The following TRAT1 variants were observed in gnomAD, a reference collection of about 807,000 sequenced individuals.
TRAT1 encodes the protein T-cell receptor-associated transmembrane adapter 1.
In TRAT1, 20 loss-of-function variants were observed where a neutral mutation model predicts 20.0. That is an observed-to-expected ratio of 1.00 (90% CI 0.70 to 1.45). The LOEUF (loss-of-function observed/expected upper bound fraction) is 1.45, where lower values mean the gene tolerates loss of function less well. TRAT1 is among the 40% of genes most tolerant of loss of function. The probability of loss-of-function intolerance (pLI) is 0.00; values close to 1 mark genes in which losing one functional copy is unlikely to be tolerated. For synonymous variants in TRAT1, 77 were observed against 74.2 expected (o/e 1.04, Z -0.20); for missense variants, 237 against 224.1 (o/e 1.06, Z -0.37).
intron 3 of TRAT1, among the ~76,000 whole-genome samples, chr3:108,845,627 C>T (rs375534671): frequency 3.3e-5 from 5 of 152,048 alleles, no homozygotes; most frequent in South Asian, 4.1e-4. Flanking sequence ...TTAATACCTA[C>T]GTACTATTTA....
chr3:108,828,657 A>G (rs2107506468), intron 1 of TRAT1, among the ~76,000 whole-genome samples: 1 of 152,338 alleles, frequency 6.6e-6, no homozygotes, highest in Admixed American at 6.5e-5. Flanking sequence ...AGAGTTTCAT[A>G]TGGCTTCTTT....
intron 1 of TRAT1, among the ~76,000 whole-genome samples, chr3:108,826,948 T>TG (rs1945745166): frequency 6.6e-6 from 1 of 152,208 alleles, no homozygotes; most frequent in Non-Finnish European, 1.5e-5. Flanking sequence ...CCAGAGCACA[T>TG]GCAATTGTGA....
chr3:108,823,025 A>G (rs1162170624), intron 1 of TRAT1, 91 bp downstream of exon 1: 7 of 1,111,802 alleles, frequency 6.3e-6, no homozygotes, highest in Non-Finnish European at 9.3e-6. Context: ...TAGTATTTAG[A>G]AAGTAGTTAT....
chr3:108,853,539 G>A (rs926281011), intron 5 of TRAT1, 81 bp from the exon 6 acceptor site: 45 of 1,509,408 alleles, frequency 3.0e-5, no homozygotes, highest in African/African-American at 8.4e-5. Context: ...AAGTTACTTG[G>A]TTTTCATACG....
At chr3:108,826,118 A>G (rs1351495662) in intron 1 of TRAT1, among the ~76,000 whole-genome samples, 1 of 152,170 alleles carries the variant, frequency 6.6e-6, no homozygotes, top group Non-Finnish European at 1.5e-5. Flanking sequence ...CTTCAATTAA[A>G]TTAAGTAAAG....
rs1946030463 is a variant in TRAT1, at chr3:108,854,863, T to C, written c.*986T>C. The C allele has an allele frequency of 6.6e-6, 1 of 152,130 alleles. No homozygotes were observed. Among genetic ancestry groups the C allele is most frequent in the Admixed American group, 6.5e-5 (1 of 15,274 alleles). The allele number at this position is 152,130 out of a possible 1,614,324, so 9.4% of individuals were successfully genotyped here. ...TCTTTCAATAATTAAAAAATACTGC[T>C]TCACTGTCTTCTCTCTGTTTCATCA... is the stretch of plus-strand genomic sequence containing the variant. On this transcript the variant is annotated 3_prime_UTR_variant, in exon 6 of 6. Transcript: ENST00000295756.
At chr3:108,830,561 G>A in intron 1 of TRAT1, 109 bp from the exon 2 acceptor site, 1 of 743,314 alleles carries the variant, frequency 1.3e-6, no homozygotes, top group East Asian at 2.5e-5. Flanking sequence ...GGTAGAGACT[G>A]TGTACTTCAT....
chr3:108,839,755 T>C (rs1945876266), intron 3 of TRAT1, among the ~76,000 whole-genome samples: 1 of 152,190 alleles, frequency 6.6e-6, no homozygotes, highest in Non-Finnish European at 1.5e-5. Context: ...GATGAACAGA[T>C]ACTCTGAAAG....
At chr3:108,847,688 C>T (rs929186635) in intron 4 of TRAT1, among the ~76,000 whole-genome samples, 2 of 152,160 alleles carry the variant, frequency 1.3e-5, no homozygotes, top group African/African-American at 4.8e-5. Flanking sequence ...TCACTTGTGT[C>T]ATCCCAGACA....
Position 108,853,863 on chromosome 3 carries a change from G to A in TRAT1, c.547G>A (p.Glu183Lys). 1 of 1,613,700 alleles carries A rather than the reference G, an allele frequency of 6.2e-7. No individual in the cohort carries two copies. Among genetic ancestry groups the A allele is most frequent in the South Asian group, 1.1e-5 (1 of 90,998 alleles). ...GTTTGGATTGATCCGTGCTAAGAGA[G>A]AACCTATAAACTAGCTGGACCATGA... ...RLFGLIRAKR[E>K]PIN The change falls in exon 6 of 6, where the codon GAA becomes AAA. Residue 183 changes from glutamate (E) to lysine (K), a missense_variant. By Grantham distance (56) the Glu-to-Lys change is moderately conservative. Coordinates refer to ENST00000295756, the MANE Select transcript of TRAT1 (RefSeq NM_016388.4).
chr3:108,854,496 G>T lies in TRAT1; in HGVS notation c.*619G>T, dbSNP rs879291477. 1.3e-5 allele frequency: 2 copies of T among 151,942 alleles called. No homozygotes were observed. Among genetic ancestry groups the T allele is most frequent in the Non-Finnish European group, 2.9e-5 (2 of 68,002 alleles). The allele number at this position is 151,942 out of a possible 1,614,324, so 9.4% of individuals were successfully genotyped here. A position where few individuals can be genotyped will look rare whatever the true frequency, so the allele number is the denominator to read the frequency against. On this transcript the variant is annotated 3_prime_UTR_variant, in exon 6 of 6. Coordinates refer to ENST00000295756, the MANE Select transcript of TRAT1 (RefSeq NM_016388.4). Reference sequence around the variant, plus strand: ...CAAACAAATATCAAAAAGAGTTTAGGAATTCTACTAGCCAGAGATAGTCAC... The same window carrying T: ...CAAACAAATATCAAAAAGAGTTTAGTAATTCTACTAGCCAGAGATAGTCAC...
At chr3:108,844,240 A>G (rs1945919791) in intron 3 of TRAT1, among the ~76,000 whole-genome samples, 1 of 152,144 alleles carries the variant, frequency 6.6e-6, no homozygotes, top group African/African-American at 2.4e-5. Flanking sequence ...ATAGAAATCA[A>G]CTAGTTTAAT....
Position 108,847,140 on chromosome 3 carries a change from C to G in TRAT1, c.214+11C>G, listed in dbSNP as rs1285932597. The G allele has an allele frequency of 6.8e-7, 1 of 1,479,934 alleles. No homozygotes were observed. Among genetic ancestry groups the G allele is most frequent in the Non-Finnish European group, 9.3e-7 (1 of 1,075,930 alleles). The allele number at this position is 1,479,934 out of a possible 1,614,324, so 91.7% of individuals were successfully genotyped here. On this transcript the variant is annotated intron_variant, in intron 4 of 5. Transcript: ENST00000295756. ...ATGATATGATTTCAGGTAAGTTTTCCATAAGTTAAATTTATAAATAAGTAA... is the reference window on the plus strand; with the variant it reads ...ATGATATGATTTCAGGTAAGTTTTCGATAAGTTAAATTTATAAATAAGTAA...
chr3:108,827,384 A>AG (rs1945750915), intron 1 of TRAT1, among the ~76,000 whole-genome samples: 5 of 145,112 alleles, frequency 3.4e-5, no homozygotes, highest in African/African-American at 1.3e-4. Context: ...GTATGTGTGT[A>AG]TGTGTGTGTG....
At chr3:108,828,958 A>G (rs1308201660) in intron 1 of TRAT1, among the ~76,000 whole-genome samples, 1 of 152,154 alleles carries the variant, frequency 6.6e-6, no homozygotes, top group Non-Finnish European at 1.5e-5. Context: ...GTAGTTTCAC[A>G]CAGGCAAGGT....
intron 3 of TRAT1, among the ~76,000 whole-genome samples, chr3:108,839,689 A>T (rs903206208): frequency 6.6e-6 from 1 of 152,054 alleles, no homozygotes; most frequent in African/African-American, 2.4e-5. Context: ...AGATATACAC[A>T]AGGATGAGTA....
At chr3:108,838,731 C>A (rs1473070693) in intron 2 of TRAT1, among the ~76,000 whole-genome samples, 2 of 152,166 alleles carry the variant, frequency 1.3e-5, no homozygotes, top group African/African-American at 2.4e-5. Context: ...ATAAATCTTT[C>A]TTTCTTGGTA....
intron 2 of TRAT1, among the ~76,000 whole-genome samples, chr3:108,838,630 C>G (rs1021795660): frequency 6.6e-6 from 1 of 152,094 alleles, no homozygotes; most frequent in Non-Finnish European, 1.5e-5. Context: ...TGCATAAAAC[C>G]GCAATGCATC....
intron 2 of TRAT1, among the ~76,000 whole-genome samples, chr3:108,832,070 C>T (rs989815054): frequency 6.6e-5 from 10 of 152,050 alleles, no homozygotes; most frequent in South Asian, 4.2e-4. Flanking sequence ...TCTTAAGCAC[C>T]GATAATACTA....
Sources: gnomAD v4.1 joint callset for allele counts (sites outside exome capture counted in the v4.1 genomes callset) on GRCh38, gnomAD v4.1.1 for gene constraint, MANE v1.5 for transcripts, NCBI Gene and HGNC (gene_info 2026-07-23, HGNC 2026-07-21) for gene names.